Variants in SMARCAD1 observed in about 807,000 individuals in gnomAD.
The protein encoded by SMARCAD1 is SNF2 related chromatin remodeling ATPase with DExD box 1.
A neutral mutation model predicts 127.1 loss-of-function variants in SMARCAD1; 25 were observed. The ratio of observed to expected loss-of-function variants is 0.20; its 90% CI spans 0.14 to 0.27. The LOEUF (loss-of-function observed/expected upper bound fraction) is 0.27. Ranked by LOEUF, SMARCAD1 falls within the 10% of genes least tolerant of loss-of-function variation. The pLI is 1.00. For missense variants in SMARCAD1, 807 were observed against 1,206.0 expected, an observed-to-expected ratio of 0.67 and a Z score of 4.90; for synonymous variants, 400 against 396.9, an observed-to-expected ratio of 1.01 and a Z score of -0.09.
At chr4:94,274,500 G>A (rs572416473) in intron 12 of SMARCAD1, among the ~76,000 whole-genome samples, 17 of 151,828 alleles carry the variant, frequency 1.1e-4, no homozygotes, top group Non-Finnish European at 2.1e-4. Context: ...TATTTTTAGT[G>A]GAGATGGGGT....
chr4:94,225,046 A>G (rs531944586), intron 2 of SMARCAD1, among the ~76,000 whole-genome samples: 1 of 152,226 alleles, frequency 6.6e-6, no homozygotes, highest in East Asian at 1.9e-4. Context: ...GTAAGGGTAA[A>G]TGGTGGTTTT....
chr4:94,242,865 A>G (rs542734909), intron 6 of SMARCAD1, among the ~76,000 whole-genome samples: 11 of 152,278 alleles, frequency 7.2e-5, no homozygotes, highest in African/African-American at 2.4e-4. Context: ...TCAGTGAGCC[A>G]TAATTATGCC....
intron 6 of SMARCAD1, among the ~76,000 whole-genome samples, chr4:94,249,118 C>T (rs753092731): frequency 3.9e-5 from 6 of 151,970 alleles, no homozygotes; most frequent in African/African-American, 7.2e-5. Context: ...TTAATCTGTT[C>T]GGTTTATACA....
Position 94,207,906 on chromosome 4 carries a change from C to T in SMARCAD1, c.-214C>T, listed in dbSNP as rs546576030. 14 of 336,826 alleles carry T rather than the reference C, an allele frequency of 4.2e-5. No homozygotes were observed. Among genetic ancestry groups the T allele is most frequent in the East Asian group, 2.4e-4 (3 of 12,434 alleles). 20.9% of individuals were successfully genotyped at this position (336,826 alleles called of 1,614,324 possible). The stretch of plus-strand genomic sequence containing the variant: ...GGATGCCCGCCAGCACGGCCTCCGC[C>T]GCTCCCCTTCTTTGGCCCCTTTGTG... On this transcript the variant is annotated 5_prime_UTR_variant, in exon 1 of 24. Coordinates refer to ENST00000354268, the MANE Select transcript of SMARCAD1 (RefSeq NM_020159.5).
At chr4:94,216,692 A>C (rs1345646423) in intron 2 of SMARCAD1, among the ~76,000 whole-genome samples, 1 of 152,190 alleles carries the variant, frequency 6.6e-6, no homozygotes. Context: ...TAAGTATCTC[A>C]TTAAAGTGGA....
chr4:94,287,274 G>A (rs1046386319), intron 23 of SMARCAD1, among the ~76,000 whole-genome samples: 4 of 152,032 alleles, frequency 2.6e-5, no homozygotes, highest in South Asian at 4.2e-4. Context: ...GCTGTGTCCC[G>A]GGTTTCATTT....
intron 3 of SMARCAD1, among the ~76,000 whole-genome samples, chr4:94,229,801 GT>G (rs33983103): frequency 0.54 from 78,611 of 145,962 alleles, 21,437 homozygotes; most frequent in East Asian, 0.72. Context: ...AATGTGTGGT[GT>G]TTTTTTTTTT....
At chr4:94,235,229 CTTTTTTTTTTT>C (rs35123705) in intron 4 of SMARCAD1, among the ~76,000 whole-genome samples, 202 of 39,330 alleles carry the variant, frequency 5.1e-3, no homozygotes, top group Admixed American at 6.7e-3. Flanking sequence ...ACCACCAATC[CTTTTTTTTTTT>C]TTTTTTTTTT....
chr4:94,280,257 A>G (rs900174209), intron 19 of SMARCAD1, among the ~76,000 whole-genome samples: 1 of 152,138 alleles, frequency 6.6e-6, no homozygotes, highest in Non-Finnish European at 1.5e-5. Context: ...GAAACTGCCC[A>G]TATGTTACTT....
chr4:94,250,882 A>G (rs1560539614), intron 8 of SMARCAD1, 49 bp downstream of exon 8: 1 of 1,398,090 alleles, frequency 7.2e-7, no homozygotes, highest in South Asian at 1.2e-5. Context: ...TATAGTCTGT[A>G]TTTTAGTATA....
At chr4:94,222,753 A>G (rs1744343177) in intron 2 of SMARCAD1, among the ~76,000 whole-genome samples, 1 of 151,974 alleles carries the variant, frequency 6.6e-6, no homozygotes, top group Admixed American at 6.6e-5. Context: ...ACCTGATGTC[A>G]GGAGTTCAAC....
intron 6 of SMARCAD1, among the ~76,000 whole-genome samples, chr4:94,246,590 A>G (rs1170420104): frequency 6.6e-6 from 1 of 152,106 alleles, no homozygotes; most frequent in Non-Finnish European, 1.5e-5. Flanking sequence ...GCTCCAGACT[A>G]CACTCCCACG....
At chr4:94,226,589 G>T (rs1311159894) in intron 3 of SMARCAD1, among the ~76,000 whole-genome samples, 1 of 142,536 alleles carries the variant, frequency 7.0e-6, no homozygotes, top group Non-Finnish European at 1.5e-5. Flanking sequence ...TAAAAGAATT[G>T]TTTAGTACCT....
rs114102001 is a variant in SMARCAD1, at chr4:94,237,047, C to T, written c.604+29C>T. On this transcript the variant is annotated intron_variant, in intron 5 of 23. Coordinates refer to ENST00000354268, the MANE Select transcript of SMARCAD1 (RefSeq NM_020159.5). ...TGCTTGACTTAATTTTAAGCCATGT[C>T]GATTTATTGTTACGTCATAATAATA... The T allele has an allele frequency of 2.3e-3, 3,567 of 1,579,850 alleles. 70 individuals carry two copies. The African/African-American group carries it at 0.039, about 17-fold the overall frequency.
intron 3 of SMARCAD1, among the ~76,000 whole-genome samples, chr4:94,232,657 G>C (rs1746019730): frequency 6.6e-6 from 1 of 152,180 alleles, no homozygotes; most frequent in Admixed American, 6.5e-5. Context: ...AGAAGCTTTT[G>C]AAATACGTAC....
At chr4:94,222,253 A>G (rs1005188585) in intron 2 of SMARCAD1, among the ~76,000 whole-genome samples, 20 of 152,338 alleles carry the variant, frequency 1.3e-4, no homozygotes, top group African/African-American at 1.7e-4. Context: ...CATTACTTCA[A>G]TATATTATGT....
rs1755444316 is a variant in SMARCAD1 at position 94,289,695 on chromosome 4, T to C, written c.*161T>C. The C allele has an allele frequency of 2.7e-6, 2 of 741,960 alleles. No homozygotes were observed. Among genetic ancestry groups the C allele is most frequent in the African/African-American group, 3.5e-5 (2 of 57,846 alleles). 46.0% of individuals were successfully genotyped at this position (741,960 alleles called of 1,614,324 possible). On this transcript the variant is annotated 3_prime_UTR_variant, in exon 24 of 24. Coordinates refer to ENST00000354268, the MANE Select transcript of SMARCAD1 (RefSeq NM_020159.5). ...GGACAACTTTTTGCCACTAACTGAA[T>C]TCTCCAAATACTCACACGTGAAATT...
intron 9 of SMARCAD1, among the ~76,000 whole-genome samples, chr4:94,263,694 A>AT (rs1751344998): frequency 6.6e-6 from 1 of 151,996 alleles, no homozygotes; most frequent in African/African-American, 2.4e-5. Flanking sequence ...TAGAGTTGTT[A>AT]ATGTGATTCT....
At position 94,208,129 on chromosome 4, in the gene SMARCAD1, G is replaced by A. The variant is rs747087651; in HGVS notation, c.-50+59G>A. Reference sequence around the variant, plus strand: ...TTTCAGTAAGGAGGGGCGGGCGGGGGAGGCGGACGAAGGGGAGTGAAAAGC... The same window carrying A: ...TTTCAGTAAGGAGGGGCGGGCGGGGAAGGCGGACGAAGGGGAGTGAAAAGC... On this transcript the variant is annotated intron_variant, in intron 1 of 23. Coordinates refer to ENST00000354268, the MANE Select transcript of SMARCAD1 (RefSeq NM_020159.5). 5.1e-6 allele frequency: 3 copies of A among 593,834 alleles called. 1 individual carries two copies. Among genetic ancestry groups the A allele is most frequent in the South Asian group, 4.6e-5 (3 of 65,752 alleles). 36.8% of individuals were successfully genotyped at this position (593,834 alleles called of 1,614,324 possible).
Sources: gnomAD v4.1 joint callset for allele counts (sites outside exome capture counted in the v4.1 genomes callset) on GRCh38, gnomAD v4.1.1 for gene constraint, MANE v1.5 for transcripts, NCBI Gene and HGNC (gene_info 2026-07-23, HGNC 2026-07-21) for gene names.